Variants in SLC39A12 observed in about 807,000 individuals in gnomAD.
The protein encoded by SLC39A12 is zinc transporter ZIP12.
A neutral mutation model predicts 71.1 loss-of-function variants in SLC39A12; 63 were observed. The ratio of observed to expected loss-of-function variants is 0.89; its 90% CI spans 0.72 to 1.09. SLC39A12 has a LOEUF of 1.09. Ranked by LOEUF, SLC39A12 falls within the 50% of genes least tolerant of loss-of-function variation. The pLI is 0.00. For missense variants in SLC39A12, 892 were observed against 812.6 expected, an observed-to-expected ratio of 1.10 and a Z score of -1.19; for synonymous variants, 351 against 301.3, an observed-to-expected ratio of 1.16 and a Z score of -1.71.
intron 12 of SLC39A12, among the ~76,000 whole-genome samples, chr10:18,036,456 C>A (rs980569856): frequency 3.3e-5 from 5 of 152,016 alleles, no homozygotes; most frequent in Non-Finnish European, 7.4e-5. Context: ...AAAGGGAACT[C>A]CCTGACCCCT....
intron 6 of SLC39A12, among the ~76,000 whole-genome samples, chr10:17,985,044 T>C (rs1835365557): frequency 6.6e-6 from 1 of 152,224 alleles, no homozygotes; most frequent in Non-Finnish European, 1.5e-5. Flanking sequence ...TTACCAGTTA[T>C]ATTATTAAAA....
chr10:17,971,618 G>A lies in SLC39A12; in HGVS notation c.751+5928G>A, dbSNP rs77842526. ...TTCTTCTAGATTTTTCAAATTTATTGGCGTATGGTTACTCATAGTAGCCAT... is the reference window on the plus strand; with the variant it reads ...TTCTTCTAGATTTTTCAAATTTATTAGCGTATGGTTACTCATAGTAGCCAT... On this transcript the variant is annotated intron_variant, in intron 4 of 12. Coordinates refer to ENST00000377369, the MANE Select transcript of SLC39A12 (RefSeq NM_001145195.2). Among the ~76,000 whole-genome samples the A allele has an allele frequency of 3.9e-5, 6 of 151,926 alleles. No individual in the cohort carries two copies. In the South Asian group the frequency reaches 1.3e-3, roughly 32 times the overall value.
intron 6 of SLC39A12, among the ~76,000 whole-genome samples, chr10:17,986,934 G>T (rs568725917): frequency 6.6e-6 from 1 of 152,288 alleles, no homozygotes; most frequent in Admixed American, 6.5e-5. Context: ...GAGCCTGGGA[G>T]TTCAGGATTA....
At chr10:17,996,077 TATC>T (rs1204524471) in intron 10 of SLC39A12, among the ~76,000 whole-genome samples, 1 of 152,234 alleles carries the variant, frequency 6.6e-6, no homozygotes, top group Non-Finnish European at 1.5e-5. Flanking sequence ...AGTATGGATA[TATC>T]ATTGTTTTTT....
chr10:17,953,085 G>A, intron 1 of SLC39A12, 106 bp from the exon 2 acceptor site: 1 of 689,022 alleles, frequency 1.5e-6, no homozygotes. Context: ...CCGCTGTGTA[G>A]AAACAGCTTG....
intron 6 of SLC39A12, among the ~76,000 whole-genome samples, chr10:17,983,820 GTCCT>G (rs1460620708): frequency 3.3e-5 from 5 of 151,902 alleles, no homozygotes; most frequent in Non-Finnish European, 7.4e-5. Flanking sequence ...AAACATCACT[GTCCT>G]CAATCGAAAA....
At chr10:18,041,254 A>G (rs973962297) in intron 12 of SLC39A12, among the ~76,000 whole-genome samples, 5 of 152,038 alleles carry the variant, frequency 3.3e-5, no homozygotes, top group African/African-American at 1.2e-4. Context: ...CAAACATGAA[A>G]TAGTTGCCAT....
At chr10:17,992,918 A>T (rs1304059666) in intron 8 of SLC39A12, among the ~76,000 whole-genome samples, 15 of 152,240 alleles carry the variant, frequency 9.9e-5, no homozygotes. Flanking sequence ...TATCTCCATC[A>T]GAAAGAATTT....
chr10:17,975,808 C>T (rs1835093917), intron 4 of SLC39A12, among the ~76,000 whole-genome samples: 1 of 152,174 alleles, frequency 6.6e-6, no homozygotes, highest in Non-Finnish European at 1.5e-5. Context: ...GCACTTTAGC[C>T]TGAGGTGGCA....
intron 12 of SLC39A12, 56 bp from the exon 13 acceptor site, chr10:18,042,649 T>A: frequency 6.5e-7 from 1 of 1,537,466 alleles, no homozygotes; most frequent in Non-Finnish European, 8.7e-7. Flanking sequence ...CCACCAAGCT[T>A]TTCCCAGCAG....
At chr10:18,033,940 T>C (rs1836924730) in intron 12 of SLC39A12, among the ~76,000 whole-genome samples, 1 of 150,964 alleles carries the variant, frequency 6.6e-6, no homozygotes, top group South Asian at 2.1e-4. Flanking sequence ...GGTTGTTCAG[T>C]TTCCATGTAG....
intron 12 of SLC39A12, among the ~76,000 whole-genome samples, chr10:18,020,327 C>T (rs997371949): frequency 2.0e-5 from 3 of 151,918 alleles, no homozygotes; most frequent in African/African-American, 2.4e-5. Context: ...TATAGTATTC[C>T]GTGGTGTATT....
intron 2 of SLC39A12, among the ~76,000 whole-genome samples, chr10:17,960,481 A>C (rs1554848241): frequency 6.6e-6 from 1 of 152,170 alleles, no homozygotes; most frequent in Non-Finnish European, 1.5e-5. Flanking sequence ...CCTAAATAGG[A>C]TAGAAGAGGG....
At chr10:17,979,870 A>C (rs1329497784) in intron 5 of SLC39A12, among the ~76,000 whole-genome samples, 1 of 152,192 alleles carries the variant, frequency 6.6e-6, no homozygotes, top group African/African-American at 2.4e-5. Flanking sequence ...CTCAGGACTT[A>C]TAGATGCAGC....
rs1056761620 is a variant in SLC39A12 at position 18,020,290 on chromosome 10, G to T, written c.1947+16932G>T. Among the ~76,000 whole-genome samples the T allele has an allele frequency of 2.0e-5, 3 of 152,032 alleles. No homozygotes were observed. In the East Asian group the frequency reaches 5.8e-4, roughly 29 times the overall value. ...CAGTTTCATCCATGTTGCCGCAAAA[G>T]GTGCAATCTTTTCTTTTTTATGGCT... is the stretch of plus-strand genomic sequence containing the variant. On this transcript the variant is annotated intron_variant, in intron 12 of 12. Transcript: ENST00000377369.
intron 6 of SLC39A12, among the ~76,000 whole-genome samples, chr10:17,984,916 TA>T (rs754373610): frequency 6.6e-6 from 1 of 152,214 alleles, no homozygotes; most frequent in Admixed American, 6.5e-5. Flanking sequence ...AACAGATGCT[TA>T]AAAGTTTTTT....
intron 12 of SLC39A12, among the ~76,000 whole-genome samples, chr10:18,030,347 C>T (rs1836805046): frequency 6.6e-6 from 1 of 151,766 alleles, no homozygotes; most frequent in Non-Finnish European, 1.5e-5. Flanking sequence ...ATGCCATTCT[C>T]CTGCCTCAGC....
At chr10:18,005,656 A>T (rs773520946) in intron 12 of SLC39A12, 2 of 152,218 alleles carry the variant, frequency 1.3e-5, no homozygotes, top group African/African-American at 2.4e-5. Flanking sequence ...ATCAAGAGCC[A>T]TTTGTCATGC....
intron 4 of SLC39A12, among the ~76,000 whole-genome samples, chr10:17,977,097 T>C (rs1307685305): frequency 6.6e-6 from 1 of 152,184 alleles, no homozygotes; most frequent in African/African-American, 2.4e-5. Flanking sequence ...GTGAACTTTT[T>C]GTTTCACTTA....
Sources: allele counts gnomAD v4.1 joint callset (sites outside exome capture counted in the v4.1 genomes callset), GRCh38; gene constraint gnomAD v4.1.1; transcripts MANE v1.5; gene names NCBI Gene and HGNC (gene_info 2026-07-23, HGNC 2026-07-21).